Variants in STAB1 observed in about 807,000 individuals in gnomAD.
The protein encoded by STAB1 is stabilin-1.
STAB1 carries 250 observed loss-of-function variants against 332.4 expected under a neutral mutation model. That is an observed-to-expected ratio of 0.75 (90% CI 0.68 to 0.84). The LOEUF is 0.84. Among genes scored for constraint, STAB1 ranks in the 40% least tolerant of loss-of-function variants. The probability of loss-of-function intolerance (pLI) is 0.00; values close to 1 mark genes in which losing one functional copy is unlikely to be tolerated. For missense variants in STAB1, 3,249 were observed against 3,489.7 expected (o/e 0.93, Z 1.74); for synonymous variants, 1,475 against 1,390.4 (o/e 1.06, Z -1.35).
Position 52,524,298 on chromosome 3 carries a change from A to C in STAB1, c.7657-2A>C, listed in dbSNP as rs1312562353. On this transcript the variant is annotated splice_acceptor_variant, in intron 68 of 68. Transcript: ENST00000321725. LOFTEE classifies it high-confidence loss of function. Reference sequence around the variant, plus strand: ...CCTCCACCACCAACCCTGCTCTTCTAGGACTCACTGCTGGAGGAGGACTTC... The same window carrying C: ...CCTCCACCACCAACCCTGCTCTTCTCGGACTCACTGCTGGAGGAGGACTTC... 6.2e-7 allele frequency: 1 copy of C among 1,613,934 alleles called. No individual in the cohort carries two copies. The highest frequency in any genetic ancestry group is 8.5e-7 in the Non-Finnish European group (1 of 1,180,002).
intron 22 of STAB1, 35 bp downstream of exon 22, chr3:52,509,356 G>A: frequency 6.3e-7 from 1 of 1,591,916 alleles, no homozygotes; most frequent in Non-Finnish European, 8.6e-7. Context: ...CTCCTAGGGA[G>A]AAAAAACGTC....
At chr3:52,515,698 C>T (rs1267794852) in intron 37 of STAB1, among the ~76,000 whole-genome samples, 192 bp downstream of exon 37, 1 of 152,130 alleles carries the variant, frequency 6.6e-6, no homozygotes, top group African/African-American at 2.4e-5. Flanking sequence ...CCTGTGTCCA[C>T]TCCCCCAGGG....
intron 40 of STAB1, 51 bp downstream of exon 40, chr3:52,516,638 G>A: frequency 5.6e-6 from 9 of 1,612,416 alleles, no homozygotes; most frequent in South Asian, 1.1e-5. Context: ...GAGCCTGGGG[G>A]TCAAGGCACG....
At position 52,521,018 on chromosome 3, in the gene STAB1, G is replaced by T; in HGVS notation, c.5908+13G>T. The T allele has an allele frequency of 6.6e-7, 1 of 1,525,340 alleles. No individual in the cohort carries two copies. Among genetic ancestry groups the T allele is most frequent in the South Asian group, 1.3e-5 (1 of 76,116 alleles). 94.5% of individuals were successfully genotyped at this position (1,525,340 alleles called of 1,614,324 possible). A position where few individuals can be genotyped will look rare whatever the true frequency, so the allele number is the denominator to read the frequency against. ...AGTGAGTGCCAAGGTGAGCATTGCA[G>T]ACACTGTTGACTAGCTCCTCTGTTC... On this transcript the variant is annotated intron_variant, in intron 55 of 68. Coordinates refer to ENST00000321725, the MANE Select transcript of STAB1 (RefSeq NM_015136.3).
intron 20 of STAB1, 67 bp from the exon 21 acceptor site, chr3:52,508,206 C>A (rs1417938462): frequency 2.3e-4 from 349 of 1,493,278 alleles, no homozygotes; most frequent in Non-Finnish European, 6.4e-6. Context: ...GGCCAGGGAG[C>A]AGAGGCAGCC....
At chr3:52,507,853 C>T in intron 19 of STAB1, 78 bp from the exon 20 acceptor site, 1 of 1,500,784 alleles carries the variant, frequency 6.7e-7, no homozygotes, top group Non-Finnish European at 9.2e-7. Flanking sequence ...GGGCAGAGGT[C>T]CCTTAACCAG....
Position 52,506,223 on chromosome 3 carries a change from G to C in STAB1, c.1803G>C (p.Gln601His), listed in dbSNP as rs748140065. The change falls in exon 17 of 69, where the codon CAG (glutamine) becomes CAC (histidine). Residue 601 changes from glutamine (Q) to histidine (H), a missense_variant. Physicochemically the swap from Gln to His is conservative, Grantham distance 24. Coordinates refer to ENST00000321725, the MANE Select transcript of STAB1 (RefSeq NM_015136.3). ...SKGRILTMAN[Q>H]VLAVNISEEG... ...GTCGGATCCTCACCATGGCGAACCA[G>C]GTCCTGGCTGTGAACATTTCTGAGG... 6.2e-7 allele frequency: 1 copy of C among 1,612,878 alleles called. No homozygotes were observed. Among genetic ancestry groups the C allele is most frequent in the South Asian group, 1.1e-5 (1 of 90,752 alleles).
chr3:52,521,008 G>A lies in STAB1; in HGVS notation c.5908+3G>A, dbSNP rs752414508. 8.5e-6 allele frequency: 13 copies of A among 1,532,406 alleles called. No homozygotes were observed. The highest frequency in any genetic ancestry group is 4.5e-5 in the East Asian group (2 of 44,136). The allele number at this position is 1,532,406 out of a possible 1,614,324, so 94.9% of individuals were successfully genotyped here. On this transcript the variant is annotated splice_donor_region_variant and intron_variant, in intron 55 of 68. Coordinates refer to ENST00000321725, the MANE Select transcript of STAB1 (RefSeq NM_015136.3). Reference sequence around the variant, plus strand: ...TCACTATGGCAGTGAGTGCCAAGGTGAGCATTGCAGACACTGTTGACTAGC... The same window carrying A: ...TCACTATGGCAGTGAGTGCCAAGGTAAGCATTGCAGACACTGTTGACTAGC...
chr3:52,515,534 C>CTG (rs1377440496), intron 37 of STAB1, 28 bp downstream of exon 37: 12 of 1,611,488 alleles, frequency 7.4e-6, no homozygotes, highest in Admixed American at 1.7e-5. Context: ...CACCCCAAGC[C>CTG]TGTCCAGAGA....
chr3:52,509,801 C>A, intron 22 of STAB1, 69 bp from the exon 23 acceptor site: 1 of 1,584,168 alleles, frequency 6.3e-7, no homozygotes, highest in Admixed American at 1.7e-5. Flanking sequence ...ATCCCCCAAA[C>A]CCATCCTGGC....
In STAB1 at chr3:52,506,885, C is replaced by T. The variant is rs761686320; in HGVS notation, c.1989+35C>T. 2.6e-5 allele frequency: 41 copies of T among 1,604,986 alleles called. No individual in the cohort carries two copies. The South Asian group carries it at 4.2e-4, about 16-fold the overall frequency. On this transcript the variant is annotated intron_variant, in intron 18 of 68. Transcript: ENST00000321725. ...GCCTGCACGGCCAGGGCCCTACTCA[C>T]TAACCCCTGTCAGCGCTGGAGCGGC...
At chr3:52,499,696 G>A (rs932121755) in intron 1 of STAB1, among the ~76,000 whole-genome samples, 2 of 151,726 alleles carry the variant, frequency 1.3e-5, no homozygotes, top group African/African-American at 4.8e-5. Context: ...TCAGGAGATC[G>A]AGACCAACCC....
At chr3:52,516,935 C>G (rs1232509308) in intron 41 of STAB1, 49 bp from the exon 42 acceptor site, 3 of 1,607,714 alleles carry the variant, frequency 1.9e-6, no homozygotes, top group Non-Finnish European at 2.5e-6. Context: ...CCTGTCCTGC[C>G]TCCGGCCCCG....
At chr3:52,512,191 C>A in intron 26 of STAB1, 150 bp from the exon 27 acceptor site, 1 of 776,862 alleles carries the variant, frequency 1.3e-6, no homozygotes, top group Non-Finnish European at 2.2e-6. Flanking sequence ...GCTAGGCACA[C>A]CGAAGGAGTG....
chr3:52,504,150 T>C lies in STAB1; in HGVS notation c.1145T>C (p.Met382Thr), dbSNP rs1708667536. ...CTGCAGCTGAGGGTCGCCGTGGCCA[T>C]GATGGGTGCGTGACCCCACTGCTTG... ...VFLQLRVAVA[M>T]MDQGCREILT... The change falls in exon 10 of 69, where the codon ATG (methionine) becomes ACG (threonine). Residue 382 changes from methionine (M) to threonine (T), a missense_variant. Coordinates refer to ENST00000321725, the MANE Select transcript of STAB1 (RefSeq NM_015136.3). 1 of 1,587,914 alleles carries C rather than the reference T, an allele frequency of 6.3e-7. No homozygotes were observed. The highest frequency in any genetic ancestry group is 8.5e-7 in the Non-Finnish European group (1 of 1,169,968).
chr3:52,506,202 G>A lies in STAB1; in HGVS notation c.1782G>A (p.Arg594=). Residue 594 remains arginine, a synonymous_variant, in exon 17 of 69, where the codon CGG becomes CGA. Coordinates refer to ENST00000321725, the MANE Select transcript of STAB1 (RefSeq NM_015136.3). Reference sequence around the variant, plus strand: ...TTGAGAAGCTCATCTCCAAGGGTCGGATCCTCACCATGGCGAACCAGGTCC... The same window carrying A: ...TTGAGAAGCTCATCTCCAAGGGTCGAATCCTCACCATGGCGAACCAGGTCC... ...LTVEKLISKG[R]ILTMANQVLA... is the part of the protein sequence containing the mutation. 6.2e-7 allele frequency: 1 copy of A among 1,612,882 alleles called. No homozygotes were observed. The highest frequency in any genetic ancestry group is 8.5e-7 in the Non-Finnish European group (1 of 1,179,688).
In STAB1 at chr3:52,508,271, A is replaced by C; in HGVS notation, c.2149-2A>C. 1 of 1,610,590 alleles carries C rather than the reference A, an allele frequency of 6.2e-7. No homozygotes were observed. Among genetic ancestry groups the C allele is most frequent in the Admixed American group, 1.7e-5 (1 of 59,920 alleles). On this transcript the variant is annotated splice_acceptor_variant, in intron 20 of 68. Coordinates refer to ENST00000321725, the MANE Select transcript of STAB1 (RefSeq NM_015136.3). LOFTEE classifies it high-confidence loss of function. ...CTCTTGGACCTGTTCTGTCTCTTAT[A>C]GGAACAAGGCTGCTGCAAAGGTTTT...
intron 45 of STAB1, 47 bp downstream of exon 45, chr3:52,518,050 C>T (rs1195626321): frequency 1.3e-6 from 2 of 1,565,586 alleles, no homozygotes; most frequent in Non-Finnish European, 1.7e-6. Context: ...GGCTGTGCCC[C>T]ATGGGCCTGA....
intron 1 of STAB1, among the ~76,000 whole-genome samples, chr3:52,498,954 G>C (rs943088581): frequency 2.6e-5 from 4 of 152,254 alleles, no homozygotes; most frequent in African/African-American, 9.6e-5. Flanking sequence ...GGCATGAGCG[G>C]AAAAGGCCAA....
Sources: allele counts gnomAD v4.1 joint callset (sites outside exome capture counted in the v4.1 genomes callset), GRCh38; gene constraint gnomAD v4.1.1; transcripts MANE v1.5; gene names NCBI Gene and HGNC (gene_info 2026-07-23, HGNC 2026-07-21).